The following ZNF605 variants were observed in gnomAD, a reference collection of about 807,000 sequenced individuals.
ZNF605 encodes the protein zinc finger protein 605.
In ZNF605, 9 loss-of-function variants were observed where a neutral mutation model predicts 7.9. The observed-to-expected ratio is 1.14, with a 90% CI of 0.68 to 1.98. The LOEUF is 1.98. ZNF605 is among the 30% of genes most tolerant of loss of function. ZNF605 has a pLI of 0.00. For missense variants in ZNF605, 673 were observed against 762.4 expected (o/e 0.88, Z 1.38); for synonymous variants, 255 against 260.1 (o/e 0.98, Z 0.19).
At chr12:132,946,076 G>T (rs1453251758) in intron 2 of ZNF605, among the ~76,000 whole-genome samples, 1 of 152,136 alleles carries the variant, frequency 6.6e-6, no homozygotes, top group Non-Finnish European at 1.5e-5. Flanking sequence ...CCCCTGGCTG[G>T]TTCAAGCAGA....
chr12:132,931,759 G>A (rs1358253859), intron 4 of ZNF605, among the ~76,000 whole-genome samples: 1 of 152,162 alleles, frequency 6.6e-6, no homozygotes, highest in African/African-American at 2.4e-5. Context: ...CACACAGCAG[G>A]TAATGGAGAC....
At position 132,926,724 on chromosome 12, in the gene ZNF605, G is replaced by A; in HGVS notation, c.575C>T (p.Thr192Ile). The change falls in exon 5 of 5, where the codon ACA becomes ATA. Residue 192 changes from threonine (T) to isoleucine (I), a missense_variant. By Grantham distance (89) the Thr-to-Ile change is moderately conservative. Transcript: ENST00000360187. ...ACTGCATTGATAGGGCTTCTCTCCT[G>A]TATGAGTTCTCTGGTGTATAACAAG... ...SQLVIHQRTH[T>I]GEKPYQCSEC... 6 of 1,614,148 alleles carry A rather than the reference G, an allele frequency of 3.7e-6. No homozygotes were observed. Among genetic ancestry groups the A allele is most frequent in the Non-Finnish European group, 5.1e-6 (6 of 1,180,002 alleles).
chr12:132,937,747 C>T (rs1593589529), intron 3 of ZNF605, among the ~76,000 whole-genome samples: 1 of 152,146 alleles, frequency 6.6e-6, no homozygotes, highest in African/African-American at 2.4e-5. Context: ...TATATTCAAA[C>T]CTATATGCAG....
In ZNF605 at chr12:132,936,191, TAATC is replaced by T. The variant is rs369980483; in HGVS notation, c.16-3040_16-3037del. 4.8e-3 allele frequency among the ~76,000 whole-genome samples: 723 copies of T among 151,540 alleles called. 4 individuals are homozygous for T. Among genetic ancestry groups the T allele is most frequent in the African/African-American group, 0.017 (694 of 41,320 alleles). On this transcript the variant is annotated intron_variant, in intron 3 of 4. Transcript: ENST00000360187. ...GAGAGGTTAATGAAAGTACGAAAAA[TAATC>T]AGAAGACTATAAAAATGAATAAGCA...
At chr12:132,955,597 C>T (rs1952628389) in intron 1 of ZNF605, among the ~76,000 whole-genome samples, 1 of 152,076 alleles carries the variant, frequency 6.6e-6, no homozygotes, top group Admixed American at 6.6e-5. Context: ...GGAAATTCCT[C>T]AACCTTCGCT....
chr12:132,937,262 G>C (rs1468510330), intron 3 of ZNF605, among the ~76,000 whole-genome samples: 2 of 150,872 alleles, frequency 1.3e-5, no homozygotes, highest in Admixed American at 6.7e-5. Flanking sequence ...GGAAGGCTAA[G>C]GGAGGATAAT....
chr12:132,927,572 G>A (rs1952259358), intron 4 of ZNF605, among the ~76,000 whole-genome samples: 2 of 151,966 alleles, frequency 1.3e-5, no homozygotes, highest in Non-Finnish European at 2.9e-5. Context: ...CACCGTGTTA[G>A]CCAGGATGGT....
intron 3 of ZNF605, among the ~76,000 whole-genome samples, chr12:132,934,275 C>G (rs1952337087): frequency 7.0e-6 from 1 of 143,802 alleles, no homozygotes; most frequent in Admixed American, 7.1e-5. Context: ...AAGACTCTGT[C>G]TCAAATAAAT....
chr12:132,954,508 T>C (rs1952614360), intron 1 of ZNF605, among the ~76,000 whole-genome samples: 3 of 72,896 alleles, frequency 4.1e-5, no homozygotes, highest in African/African-American at 1.6e-4. Flanking sequence ...CACACTGGTC[T>C]CCATTCACTC....
At chr12:132,951,880 T>G (rs1459639324) in intron 1 of ZNF605, among the ~76,000 whole-genome samples, 1 of 145,790 alleles carries the variant, frequency 6.9e-6, no homozygotes, top group Non-Finnish European at 1.5e-5. Flanking sequence ...CATACACACA[T>G]ACACACTCAT....
chr12:132,939,559 C>T (rs1473311568), intron 3 of ZNF605, among the ~76,000 whole-genome samples: 9 of 151,778 alleles, frequency 5.9e-5, no homozygotes, highest in East Asian at 1.9e-4. Flanking sequence ...CTGATGGGGA[C>T]GTGGAGAACC....
chr12:132,930,011 G>A (rs1952291251), intron 4 of ZNF605, among the ~76,000 whole-genome samples: 2 of 152,208 alleles, frequency 1.3e-5, no homozygotes. Context: ...TAATAAAGTA[G>A]TTTATGTACA....
At chr12:132,947,251 G>A (rs1230557034) in intron 2 of ZNF605, among the ~76,000 whole-genome samples, 1 of 152,060 alleles carries the variant, frequency 6.6e-6, no homozygotes, top group Non-Finnish European at 1.5e-5. Context: ...CTGACCTCAG[G>A]TGATCCGCCC....
At chr12:132,946,858 T>TCACGCGCATCTCCAGAC in intron 2 of ZNF605, among the ~76,000 whole-genome samples, 1 of 152,212 alleles carries the variant, frequency 6.6e-6, no homozygotes, top group African/African-American at 2.4e-5. Context: ...AGCCCTTCCC[T>TCACGCGCATCTCCAGAC]CACGCGCATC....
At chr12:132,951,720 C>G (rs1952570670) in intron 1 of ZNF605, among the ~76,000 whole-genome samples, 1 of 151,452 alleles carries the variant, frequency 6.6e-6, no homozygotes, top group Non-Finnish European at 1.5e-5. Context: ...CATGCACACA[C>G]AATGATACAT....
In ZNF605 at chr12:132,925,237, G is replaced by T; in HGVS notation, c.*136C>A. On this transcript the variant is annotated 3_prime_UTR_variant, in exon 5 of 5. Transcript: ENST00000360187. ...CTTCTCTTTCTAAATTCTGCTTAGTGACTCTTGACTCCTCAATTCAAGCTT... is the reference window on the plus strand; with the variant it reads ...CTTCTCTTTCTAAATTCTGCTTAGTTACTCTTGACTCCTCAATTCAAGCTT... The T allele has an allele frequency of 1.7e-6, 1 of 596,716 alleles. No individual in the cohort carries two copies. Among genetic ancestry groups the T allele is most frequent in the South Asian group, 2.8e-5 (1 of 36,342 alleles). The allele number at this position is 596,716 out of a possible 1,614,324, so 37.0% of individuals were successfully genotyped here.
intron 1 of ZNF605, among the ~76,000 whole-genome samples, chr12:132,955,305 C>T (rs1952625117): frequency 3.9e-5 from 6 of 152,180 alleles, no homozygotes. Context: ...GCGGGGAAAG[C>T]TTGACCCTGA....
In ZNF605 at chr12:132,925,430, C is replaced by T; in HGVS notation, c.1869G>A (p.Gly623=). The stretch of plus-strand genomic sequence containing the variant: ...GCTGCGACTTCCTGTTGAAGGTGGT[C>T]CCACACTCATTGCATCCATAGTATT... ...GDKYYGCNEC[G]TTFNRKSQLM... Residue 623 remains glycine, a synonymous_variant, in exon 5 of 5, where the codon GGG becomes GGA. Transcript: ENST00000360187. 1.2e-6 allele frequency: 2 copies of T among 1,613,386 alleles called. No individual in the cohort carries two copies. Among genetic ancestry groups the T allele is most frequent in the Non-Finnish European group, 1.7e-6 (2 of 1,179,506 alleles).
intron 3 of ZNF605, among the ~76,000 whole-genome samples, chr12:132,936,254 T>G (rs909021256): frequency 4.6e-5 from 7 of 151,642 alleles, no homozygotes; most frequent in Non-Finnish European, 1.0e-4. Flanking sequence ...CTTCTAGAGA[T>G]AAAATGCATA....
Sources: allele counts gnomAD v4.1 joint callset (sites outside exome capture counted in the v4.1 genomes callset), GRCh38; gene constraint gnomAD v4.1.1; transcripts MANE v1.5; gene names NCBI Gene and HGNC (gene_info 2026-07-23, HGNC 2026-07-21).